DCUN1D2: variants seen among roughly 807,000 people sequenced by gnomAD.
DCUN1D2 encodes the protein defective in cullin neddylation 1 domain containing 2, also known as DCN1-like protein 2.
In DCUN1D2, 29 loss-of-function variants were observed where a neutral mutation model predicts 30.9. The observed-to-expected ratio is 0.94, with a 90% confidence interval of 0.70 to 1.28. The LOEUF (loss-of-function observed/expected upper bound fraction) is 1.28. Among genes scored for constraint, DCUN1D2 ranks in the 50% most tolerant of loss-of-function variants. The pLI is 0.00. For missense variants in DCUN1D2, 325 were observed against 316.9 expected, an observed-to-expected ratio of 1.03 and a Z score of -0.19; for synonymous variants, 121 against 115.3, an observed-to-expected ratio of 1.05 and a Z score of -0.32.
intron 4 of DCUN1D2, among the ~76,000 whole-genome samples, chr13:113,470,624 C>T (rs557216076): frequency 4.9e-4 from 75 of 151,518 alleles, no homozygotes; most frequent in African/African-American, 1.8e-3. Context: ...GGACCCAACT[C>T]CACAAGGGAC....
At chr13:113,463,185 C>T (rs1310249288) in intron 4 of DCUN1D2, 1 of 158,006 alleles carries the variant, frequency 6.3e-6, no homozygotes, top group Non-Finnish European at 1.4e-5. Context: ...CTGGTGGCTA[C>T]ATCTTTATAG....
rs1413592813 is a variant in DCUN1D2, at chr13:113,456,882, T to A, written c.*1147A>T. 6.9e-6 allele frequency: 1 copy of A among 145,576 alleles called. No homozygotes were observed. Among genetic ancestry groups the A allele is most frequent in the Admixed American group, 6.7e-5 (1 of 14,900 alleles). 9.0% of individuals were successfully genotyped at this position (145,576 alleles called of 1,614,324 possible). On this transcript the variant is annotated 3_prime_UTR_variant, in exon 7 of 7. Coordinates refer to ENST00000478244, the MANE Select transcript of DCUN1D2 (RefSeq NM_001014283.2). ...AGCTCATTCGGTTTTATTGTATGTA[T>A]GTATGTATTTATTTTGAGACAGAAT...
At chr13:113,490,972 G>C (rs1013600972), upstream of DCUN1D2, 3 of 189,684 alleles carry the variant, frequency 1.6e-5, no homozygotes, top group South Asian at 1.9e-4. This position sits in a 1 kb window ranked among gnomAD's most constrained non-coding sequence, Gnocchi z 5.2. Context: ...CGGCCGACGG[G>C]ACCCGCCCAC....
chr13:113,475,589 T>A (rs180937048), intron 3 of DCUN1D2, among the ~76,000 whole-genome samples: 93 of 152,270 alleles, frequency 6.1e-4, no homozygotes, highest in South Asian at 5.6e-3. Context: ...ACCATCCACA[T>A]CAAGGGTGGC....
chr13:113,479,508 C>T (rs543378437), intron 3 of DCUN1D2, among the ~76,000 whole-genome samples: 1 of 152,272 alleles, frequency 6.6e-6, no homozygotes, highest in East Asian at 1.9e-4. Flanking sequence ...AATCCCAGCA[C>T]TTTGGGAGGC....
At chr13:113,461,264 G>A in intron 4 of DCUN1D2, 128 bp from the exon 5 acceptor site, 3 of 622,392 alleles carry the variant, frequency 4.8e-6, no homozygotes, top group Non-Finnish European at 8.4e-6. Context: ...AGAGTCATGA[G>A]GCTTAATCTC....
chr13:113,475,963 T>C (rs1303881870), intron 3 of DCUN1D2: 1 of 152,286 alleles, frequency 6.6e-6, no homozygotes, highest in African/African-American at 2.4e-5. Flanking sequence ...TCTAGCTGGA[T>C]GTAATCAGGA....
chr13:113,463,733 CAT>C (rs905439938), intron 4 of DCUN1D2, among the ~76,000 whole-genome samples: 39 of 152,226 alleles, frequency 2.6e-4, no homozygotes, highest in East Asian at 9.6e-4. Context: ...CACAGATACA[CAT>C]AGACACACAC....
intron 4 of DCUN1D2, among the ~76,000 whole-genome samples, chr13:113,470,730 AAGG>A (rs2044490657): frequency 6.7e-6 from 1 of 150,210 alleles, no homozygotes; most frequent in Non-Finnish European, 1.5e-5. Flanking sequence ...CCAACTCCAC[AAGG>A]GACCCAACTC....
intron 3 of DCUN1D2, among the ~76,000 whole-genome samples, chr13:113,478,712 T>C (rs867749492): frequency 1.7e-4 from 26 of 152,170 alleles, no homozygotes; most frequent in Non-Finnish European, 2.9e-4. Context: ...AAGGGTTACT[T>C]AGAGGTATGC....
In DCUN1D2 at chr13:113,467,499, CA is replaced by C. The variant is rs58117378; in HGVS notation, c.521-6364del. ...TGAATTAAAATTTGTGACACCACTG[CA>C]AAAAAAAAAAAAGGAGATTTTTAGT... On this transcript the variant is annotated intron_variant, in intron 4 of 6. Coordinates refer to ENST00000478244, the MANE Select transcript of DCUN1D2 (RefSeq NM_001014283.2). 9.9e-3 allele frequency among the ~76,000 whole-genome samples: 1,302 copies of C among 131,458 alleles called. 9 individuals carry two copies. Among genetic ancestry groups the C allele is most frequent in the African/African-American group, 0.025 (915 of 37,274 alleles). The allele number at this position is 131,458 out of a possible 152,430, so 86.2% of individuals were successfully genotyped here.
At chr13:113,480,485 A>G in intron 3 of DCUN1D2, 90 bp downstream of exon 3, 1 of 1,366,782 alleles carries the variant, frequency 7.3e-7, no homozygotes. Flanking sequence ...AAATAAGCAG[A>G]TATGAAATTA....
rs1566511977 is a variant in DCUN1D2, at chr13:113,490,085, G to C, written c.3+582C>G. 1.3e-5 allele frequency among the ~76,000 whole-genome samples: 2 copies of C among 152,070 alleles called. No homozygotes were observed. The highest frequency in any genetic ancestry group is 2.9e-5 in the Non-Finnish European group (2 of 68,008). On this transcript the variant is annotated intron_variant, in intron 1 of 6. Coordinates refer to ENST00000478244, the MANE Select transcript of DCUN1D2 (RefSeq NM_001014283.2). This position sits in a 1 kb window ranked among gnomAD's most constrained non-coding sequence, Gnocchi z 5.2. ...AAGTAACTGATGTGCACCTCCAGCA[G>C]CCTCCCTCCTGCGCTGCGGAACTCT...
intron 3 of DCUN1D2, among the ~76,000 whole-genome samples, chr13:113,475,168 G>T (rs2044593135): frequency 6.6e-6 from 1 of 152,150 alleles, no homozygotes; most frequent in Admixed American, 6.5e-5. Context: ...AAGCACAAAT[G>T]TATGACTCAG....
intron 1 of DCUN1D2, among the ~76,000 whole-genome samples, chr13:113,485,247 C>T (rs1191490664): frequency 6.6e-6 from 1 of 152,104 alleles, no homozygotes; most frequent in Non-Finnish European, 1.5e-5. Context: ...AAATTTTTTA[C>T]TCAAAACGAT....
Position 113,480,694 on chromosome 13 carries a change from A to G in DCUN1D2, c.270T>C (p.Cys90=). Residue 90 remains cysteine, a synonymous_variant, in exon 3 of 7, where the codon TGT becomes TGC. Transcript: ENST00000478244. ...TGGCAGGATCCAGGCTCAGATCATC[A>G]CAAAACTGTTGAATCCCATCGACTC... is the stretch of plus-strand genomic sequence containing the variant. ...KIGVDGIQQF[C]DDLSLDPASI... 6.2e-7 allele frequency: 1 copy of G among 1,614,160 alleles called. No individual in the cohort carries two copies. The highest frequency in any genetic ancestry group is 1.7e-5 in the Admixed American group (1 of 60,022).
At chr13:113,474,426 TG>T (rs1033428965) in intron 3 of DCUN1D2, among the ~76,000 whole-genome samples, 172 bp from the exon 4 acceptor site, 3 of 152,058 alleles carry the variant, frequency 2.0e-5, no homozygotes, top group East Asian at 1.9e-4. Context: ...TAAGAGAAGA[TG>T]GGGGGGCAAC....
intron 4 of DCUN1D2, among the ~76,000 whole-genome samples, chr13:113,473,477 C>T (rs1256020640): frequency 6.6e-6 from 1 of 152,166 alleles, no homozygotes; most frequent in East Asian, 1.9e-4. Flanking sequence ...TAAAATAAAA[C>T]GCAAAAGTGG....
intron 1 of DCUN1D2, among the ~76,000 whole-genome samples, chr13:113,489,424 T>A (rs1005879861): frequency 6.6e-6 from 1 of 152,222 alleles, no homozygotes; most frequent in Non-Finnish European, 1.5e-5. Context: ...GCTCGGCTGC[T>A]GCGGTCAGTG....
Sources: allele counts gnomAD v4.1 joint callset (sites outside exome capture counted in the v4.1 genomes callset), GRCh38; gene constraint gnomAD v4.1.1; non-coding constraint Gnocchi (gnomAD v3.1); transcripts MANE v1.5; gene names NCBI Gene and HGNC (gene_info 2026-07-23, HGNC 2026-07-21).